The following CACNA1B variants were observed in gnomAD, a reference collection of about 807,000 sequenced individuals.
CACNA1B encodes the protein calcium voltage-gated channel subunit alpha1 B.
CACNA1B carries 70 observed loss-of-function variants against 247.2 expected under a neutral mutation model. That is an observed-to-expected ratio of 0.28 (90% confidence interval 0.23 to 0.35). The LOEUF is 0.35. CACNA1B is among the 10% of genes least tolerant of loss of function. The pLI, the probability that CACNA1B is intolerant of heterozygous loss-of-function variation, is 1.00. For synonymous variants in CACNA1B, 1,231 were observed against 1,294.4 expected (o/e 0.95, Z 1.05); for missense variants, 2,367 against 3,197.4 (o/e 0.74, Z 6.26).
chr9:137,911,990 A>G (rs1462632847), intron 3 of CACNA1B, among the ~76,000 whole-genome samples: 1 of 152,248 alleles, frequency 6.6e-6, no homozygotes. Flanking sequence ...GTAAGAATAG[A>G]AAGTTTCTTA....
At chr9:138,038,984 A>C (rs1959081536) in intron 20 of CACNA1B, among the ~76,000 whole-genome samples, 1 of 152,128 alleles carries the variant, frequency 6.6e-6, no homozygotes, top group African/African-American at 2.4e-5. Context: ...CAGGAGTTCG[A>C]GACCAGCCTG....
intron 45 of CACNA1B, 43 bp downstream of exon 45, chr9:138,120,415 C>A: frequency 6.6e-7 from 1 of 1,509,316 alleles, no homozygotes. Context: ...GGAGCTATGG[C>A]CCGAGTCAGG....
chr9:138,112,914 C>T (rs555865870), intron 40 of CACNA1B, among the ~76,000 whole-genome samples: 18 of 135,022 alleles, frequency 1.3e-4, no homozygotes, highest in Admixed American at 6.2e-4. Flanking sequence ...TTGCGGGAGA[C>T]GTGAGGGAGC....
chr9:137,960,225 AGGGAAG>A (rs1957998492), intron 10 of CACNA1B, among the ~76,000 whole-genome samples: 3 of 134,542 alleles, frequency 2.2e-5, no homozygotes, highest in Admixed American at 7.4e-5. Context: ...GGTCGGCCGG[AGGGAAG>A]CCGGGAGAGG....
intron 42 of CACNA1B, among the ~76,000 whole-genome samples, chr9:138,116,465 C>T (rs1445444131): frequency 6.6e-6 from 1 of 152,176 alleles, no homozygotes; most frequent in African/African-American, 2.4e-5. Context: ...CCGCTGGCAG[C>T]CCCCCATTCC....
intron 6 of CACNA1B, among the ~76,000 whole-genome samples, chr9:137,932,425 G>A (rs560782918): frequency 2.6e-5 from 4 of 152,290 alleles, no homozygotes; most frequent in Non-Finnish European, 4.4e-5. Flanking sequence ...AACTGGTCCC[G>A]CACGGGAAAA....
chr9:138,059,752 T>TGG lies in CACNA1B; in HGVS notation c.4668+16_4668+17insGG. On this transcript the variant is annotated intron_variant, in intron 31 of 46. Coordinates refer to ENST00000371372, the MANE Select transcript of CACNA1B (RefSeq NM_000718.4). This position sits in a 1 kb window ranked among gnomAD's most constrained non-coding sequence, Gnocchi z 4.2. ...CAGAGATTGCGGTAAGTAGCATTTC[T>TGG]GTCCCTCCTTCAGGGTCCCCAGGTG... is the stretch of plus-strand genomic sequence containing the variant. 1 of 1,492,684 alleles carries TGG rather than the reference T, an allele frequency of 6.7e-7. No homozygotes were observed. The highest frequency in any genetic ancestry group is 2.3e-5 in the East Asian group (1 of 44,306). 92.5% of individuals were successfully genotyped at this position (1,492,684 alleles called of 1,614,324 possible). A position where few individuals can be genotyped will look rare whatever the true frequency, so the allele number is the denominator to read the frequency against.
At chr9:138,022,880 T>C in intron 18 of CACNA1B, 131 bp from the exon 19 acceptor site, 1 of 1,205,570 alleles carries the variant, frequency 8.3e-7, no homozygotes, top group Non-Finnish European at 1.1e-6. Context: ...CCGAGGGGTG[T>C]GGGGGCTCCC....
chr9:137,978,468 C>T (rs1028754412), intron 12 of CACNA1B, among the ~76,000 whole-genome samples: 1 of 149,848 alleles, frequency 6.7e-6, no homozygotes, highest in Non-Finnish European at 1.5e-5. Flanking sequence ...GGTGGGAGCA[C>T]TACCCCTTCC....
intron 18 of CACNA1B, among the ~76,000 whole-genome samples, chr9:138,021,183 G>A (rs1338035048): frequency 2.0e-5 from 3 of 152,210 alleles, no homozygotes; most frequent in Non-Finnish European, 4.4e-5. Flanking sequence ...TGGGTCTTCT[G>A]TGGGTCAGTT....
intron 20 of CACNA1B, among the ~76,000 whole-genome samples, chr9:138,041,263 A>G (rs1959117747): frequency 6.6e-6 from 1 of 152,126 alleles, no homozygotes; most frequent in Non-Finnish European, 1.5e-5. Flanking sequence ...TGTGCACTGG[A>G]AAGAGCGGTT....
At chr9:138,049,155 T>A in intron 23 of CACNA1B, 54 bp from the exon 24 acceptor site, 2 of 1,212,816 alleles carry the variant, frequency 1.6e-6, no homozygotes, top group Non-Finnish European at 2.5e-6. Flanking sequence ...GCACCTGGCC[T>A]CTGCCTGTCT....
chr9:138,050,124 C>T lies in CACNA1B; in HGVS notation c.3710+809C>T, dbSNP rs548655278. 591 of 1,278,918 alleles carry T rather than the reference C, an allele frequency of 4.6e-4. 5 individuals are homozygous for T. Among genetic ancestry groups the T allele is most frequent in the South Asian group, 4.3e-3 (349 of 80,820 alleles). 79.2% of individuals were successfully genotyped at this position (1,278,918 alleles called of 1,614,324 possible). A position where few individuals can be genotyped will look rare whatever the true frequency, so the allele number is the denominator to read the frequency against. On this transcript the variant is annotated intron_variant, in intron 24 of 46. Coordinates refer to ENST00000371372, the MANE Select transcript of CACNA1B (RefSeq NM_000718.4). The surrounding 1 kb of genome is among the most constrained non-coding windows in gnomAD (Gnocchi z 5.2). ...CTCCCCCACACGCTGCCCCTGACAT[C>T]ACAGCATTCCAGCAGCCCCTCTTGG...
At chr9:138,104,522 A>G (rs1961359006) in intron 38 of CACNA1B, among the ~76,000 whole-genome samples, 1 of 152,192 alleles carries the variant, frequency 6.6e-6, no homozygotes, top group Non-Finnish European at 1.5e-5. Flanking sequence ...CCCTGGGACT[A>G]GGACTGGACG....
chr9:138,077,645 C>G (rs1960373423), intron 35 of CACNA1B, among the ~76,000 whole-genome samples: 1 of 152,072 alleles, frequency 6.6e-6, no homozygotes, highest in Admixed American at 6.5e-5. Flanking sequence ...GTCGCTTGGC[C>G]TAGGACAGTG....
intron 15 of CACNA1B, among the ~76,000 whole-genome samples, chr9:137,998,496 C>T (rs1324730757): frequency 1.3e-5 from 2 of 152,064 alleles, no homozygotes; most frequent in African/African-American, 2.4e-5. Context: ...GTGGGAGAAT[C>T]GCCTGAACCT....
chr9:138,066,969 C>T (rs1959941460), intron 31 of CACNA1B, among the ~76,000 whole-genome samples: 2 of 152,088 alleles, frequency 1.3e-5, no homozygotes, highest in Admixed American at 6.5e-5. Flanking sequence ...AAAATTGACA[C>T]ACTTCTGGCA....
chr9:137,956,749 T>C, intron 8 of CACNA1B, 22 bp from the exon 9 acceptor site: 1 of 1,611,606 alleles, frequency 6.2e-7, no homozygotes. Flanking sequence ...GGCTCTGACC[T>C]GAGGCTGTGT....
At position 137,952,636 on chromosome 9, in the gene CACNA1B, C is replaced by G. The variant is rs1957891302; in HGVS notation, c.1070+259C>G. On this transcript the variant is annotated intron_variant, in intron 7 of 46. Transcript: ENST00000371372. The surrounding 1 kb of genome is among the most constrained non-coding windows in gnomAD (Gnocchi z 4.8). Reference sequence around the variant, plus strand: ...TGCCATGGGAGAGTAGCTGCCACTACTCATCTGGGTAGACAGGAGGTGTGG... The same window carrying G: ...TGCCATGGGAGAGTAGCTGCCACTAGTCATCTGGGTAGACAGGAGGTGTGG... Among the ~76,000 whole-genome samples, 1 of 152,004 alleles carries G rather than the reference C, an allele frequency of 6.6e-6. No homozygotes were observed. The highest frequency in any genetic ancestry group is 1.5e-5 in the Non-Finnish European group (1 of 68,012).
Sources: allele counts gnomAD v4.1 joint callset (sites outside exome capture counted in the v4.1 genomes callset), GRCh38; gene constraint gnomAD v4.1.1; non-coding constraint Gnocchi (gnomAD v3.1); transcripts MANE v1.5; gene names NCBI Gene and HGNC (gene_info 2026-07-23, HGNC 2026-07-21).